Variants in CCDC171 observed in about 807,000 individuals in gnomAD.
The protein encoded by CCDC171 is coiled-coil domain-containing protein 171.
CCDC171 carries 177 observed loss-of-function variants against 168.2 expected under a neutral mutation model. The observed-to-expected ratio is 1.05, with a 90% CI of 0.93 to 1.19. The LOEUF is 1.19. Among genes scored for constraint, CCDC171 ranks in the 50% most tolerant of loss-of-function variants. The probability of loss-of-function intolerance (pLI) is 0.00; values close to 1 mark genes in which losing one functional copy is unlikely to be tolerated. For synonymous variants in CCDC171, 687 were observed against 540.8 expected (o/e 1.27, Z -3.75); for missense variants, 1,991 against 1,539.0 (o/e 1.29, Z -4.91).
At chr9:15,594,229 A>T (rs1050061379) in intron 6 of CCDC171, 57 bp downstream of exon 6, 1 of 958,880 alleles carries the variant, frequency 1.0e-6, no homozygotes, top group East Asian at 2.9e-5. Context: ...ATGATATTCA[A>T]AATTACATTA....
intron 23 of CCDC171, among the ~76,000 whole-genome samples, chr9:15,868,395 C>T (rs184966659): frequency 6.6e-6 from 1 of 151,908 alleles, no homozygotes. Context: ...GTTTGGGGAT[C>T]CTCCATTATG....
At chr9:15,669,151 G>C (rs1354732507) in intron 9 of CCDC171, among the ~76,000 whole-genome samples, 1 of 152,072 alleles carries the variant, frequency 6.6e-6, no homozygotes, top group Admixed American at 6.6e-5. Context: ...CAGAGTTATA[G>C]TTTTGGTCCA....
chr9:15,691,546 T>TATATATATATATATATATATATATA (rs1554762228), intron 10 of CCDC171, among the ~76,000 whole-genome samples: 4 of 106,390 alleles, frequency 3.8e-5, no homozygotes, highest in Admixed American at 9.6e-5. Flanking sequence ...TATATGTTTT[T>TATATATATATATATATATATATATA]TATATATATA....
At chr9:15,638,411 G>C (rs757077329) in intron 7 of CCDC171, among the ~76,000 whole-genome samples, 13 of 152,006 alleles carry the variant, frequency 8.6e-5, no homozygotes, top group Non-Finnish European at 1.8e-4. Flanking sequence ...ATCACTACCA[G>C]TAATACTAGG....
At chr9:15,906,242 G>A (rs1443408459) in intron 24 of CCDC171, among the ~76,000 whole-genome samples, 3 of 151,990 alleles carry the variant, frequency 2.0e-5, no homozygotes, top group Non-Finnish European at 4.4e-5. Flanking sequence ...TTAGACCAAT[G>A]TCCTTGATGA....
intron 25 of CCDC171, among the ~76,000 whole-genome samples, chr9:15,956,931 G>C (rs926500264): frequency 1.3e-5 from 2 of 151,700 alleles, no homozygotes; most frequent in African/African-American, 4.8e-5. Flanking sequence ...CTATAAATTG[G>C]TTGTTAATAT....
the CCDC171 span, among the ~76,000 whole-genome samples, chr9:16,101,828 G>A: frequency 6.6e-6 from 1 of 152,168 alleles, no homozygotes; most frequent in Non-Finnish European, 1.5e-5. Context: ...AATGAACTGG[G>A]TTCTGCCAAC....
the CCDC171 span, among the ~76,000 whole-genome samples, chr9:16,106,054 AC>A: frequency 1.3e-5 from 2 of 152,054 alleles, no homozygotes; most frequent in Non-Finnish European, 2.9e-5. Flanking sequence ...GCCTCTCTGG[AC>A]CCCTGTCCTA....
In CCDC171 at chr9:15,744,900, T is replaced by G. The variant is rs552045489; in HGVS notation, c.2554+123T>G. On this transcript the variant is annotated intron_variant, in intron 17 of 25. Transcript: ENST00000380701. ...TAATATGCCAAATAATATAACATAG[T>G]CTCCATATGTACGTATATGTGTGTA... 9 of 870,054 alleles carry G rather than the reference T, an allele frequency of 1.0e-5. No individual in the cohort carries two copies. In the South Asian group the frequency reaches 1.6e-4, roughly 16 times the overall value. The allele number at this position is 870,054 out of a possible 1,614,324, so 53.9% of individuals were successfully genotyped here.
At chr9:15,658,154 A>G (rs2048073853) in intron 8 of CCDC171, among the ~76,000 whole-genome samples, 1 of 152,226 alleles carries the variant, frequency 6.6e-6, no homozygotes, top group South Asian at 2.1e-4. Context: ...TTTTTGAGGA[A>G]TACTTGCAGT....
chr9:16,017,066 TA>T (rs1833043600), intron 3 of CCDC171, among the ~76,000 whole-genome samples: 1 of 152,160 alleles, frequency 6.6e-6, no homozygotes, highest in African/African-American at 2.4e-5. Context: ...ACTTGAGCAG[TA>T]AAAACTTAAC....
chr9:15,799,800 T>A (rs970470901), intron 21 of CCDC171, among the ~76,000 whole-genome samples: 3 of 152,064 alleles, frequency 2.0e-5, no homozygotes, highest in African/African-American at 7.2e-5. Flanking sequence ...CTGGTAACCA[T>A]CCTTCTACTG....
intron 3 of CCDC171, among the ~76,000 whole-genome samples, chr9:16,006,305 A>G (rs1014089468): frequency 6.6e-6 from 1 of 152,160 alleles, no homozygotes; most frequent in Non-Finnish European, 1.5e-5. Flanking sequence ...AGTGGGTGTG[A>G]AGTGTATCTT....
At chr9:15,626,102 A>T (rs190274291) in intron 7 of CCDC171, among the ~76,000 whole-genome samples, 117 of 152,212 alleles carry the variant, frequency 7.7e-4, no homozygotes, top group African/African-American at 2.6e-3. Flanking sequence ...AGTTCCACTC[A>T]TGATATGGCT....
At chr9:15,824,276 C>G (rs768744487) in intron 21 of CCDC171, among the ~76,000 whole-genome samples, 3 of 151,638 alleles carry the variant, frequency 2.0e-5, no homozygotes, top group Admixed American at 6.6e-5. Context: ...TGTCTATATA[C>G]AATATAAAAT....
chr9:15,950,143 G>C (rs1251881876), intron 25 of CCDC171, among the ~76,000 whole-genome samples: 1 of 152,084 alleles, frequency 6.6e-6, no homozygotes, highest in Admixed American at 6.6e-5. Flanking sequence ...CCAAATCTAC[G>C]TCTGATTGGT....
At chr9:16,009,905 A>G (rs1230404640) in intron 3 of CCDC171, among the ~76,000 whole-genome samples, 3 of 152,216 alleles carry the variant, frequency 2.0e-5, no homozygotes, top group Non-Finnish European at 4.4e-5. Context: ...TAAAAAATGC[A>G]TTACAGGCGA....
intron 25 of CCDC171, among the ~76,000 whole-genome samples, chr9:15,950,021 A>T (rs749026279): frequency 2.0e-5 from 3 of 152,026 alleles, no homozygotes; most frequent in Admixed American, 6.6e-5. Context: ...ATGAAGGAGT[A>T]TCAGCGATGG....
At chr9:15,795,276 A>C (rs1365035007) in intron 21 of CCDC171, among the ~76,000 whole-genome samples, 2 of 152,256 alleles carry the variant, frequency 1.3e-5, no homozygotes, top group South Asian at 2.1e-4. Context: ...ATTTATAACT[A>C]ACTCACTCCC....
Sources: gnomAD v4.1 joint callset for allele counts (sites outside exome capture counted in the v4.1 genomes callset) on GRCh38, gnomAD v4.1.1 for gene constraint, MANE v1.5 for transcripts, NCBI Gene and HGNC (gene_info 2026-07-23, HGNC 2026-07-21) for gene names.